PGAP4: variants seen among roughly 807,000 people sequenced by gnomAD.
PGAP4 encodes GPI-N-acetylgalactosamine transferase PGAP4.
PGAP4 carries 12 observed loss-of-function variants against 28.2 expected under a neutral mutation model. That is an observed-to-expected ratio of 0.42 (90% CI 0.27 to 0.69). The LOEUF is 0.69. Among genes scored for constraint, PGAP4 ranks in the 30% least tolerant of loss-of-function variants. The pLI is 0.22. For missense variants in PGAP4, 425 were observed against 513.5 expected, an observed-to-expected ratio of 0.83 and a Z score of 1.67; for synonymous variants, 205 against 211.8, an observed-to-expected ratio of 0.97 and a Z score of 0.28.
intron 2 of PGAP4, among the ~76,000 whole-genome samples, chr9:101,510,614 T>C (rs1826888807): frequency 6.6e-6 from 1 of 152,184 alleles, no homozygotes; most frequent in African/African-American, 2.4e-5. Context: ...CTCACAGTCT[T>C]AGTCTTCTGC....
chr9:101,532,280 A>G (rs985553069), intron 1 of PGAP4, among the ~76,000 whole-genome samples: 1 of 148,122 alleles, frequency 6.8e-6, no homozygotes, highest in Non-Finnish European at 1.5e-5. Flanking sequence ...GAAAAAAAGA[A>G]AAAAAAAAAA....
upstream of PGAP4, among the ~76,000 whole-genome samples, chr9:101,489,792 G>A (rs903493784): frequency 1.3e-5 from 2 of 152,172 alleles, no homozygotes; most frequent in Admixed American, 1.3e-4. Context: ...AAGATATCCA[G>A]TAAAGTCTTC....
At chr9:101,532,629 G>C (rs1021439542) in intron 1 of PGAP4, 1 of 152,194 alleles carries the variant, frequency 6.6e-6, no homozygotes, top group African/African-American at 2.4e-5. Context: ...GAGAGAATGA[G>C]TGTCATTGTC....
At chr9:101,507,610 G>A (rs1276257559) in intron 2 of PGAP4, among the ~76,000 whole-genome samples, 1 of 152,004 alleles carries the variant, frequency 6.6e-6, no homozygotes, top group Admixed American at 6.6e-5. Flanking sequence ...GGATAATAAG[G>A]GCATTACAAA....
At chr9:101,491,900 C>T (rs1002699647), upstream of PGAP4, among the ~76,000 whole-genome samples, 5 of 142,402 alleles carry the variant, frequency 3.5e-5, no homozygotes, top group Admixed American at 3.6e-4. Flanking sequence ...TATAGCCTGT[C>T]TTGGGGAATA....
chr9:101,479,183 G>A (rs553513033), intron 1 of PGAP4, among the ~76,000 whole-genome samples: 28 of 152,312 alleles, frequency 1.8e-4, no homozygotes, highest in African/African-American at 6.3e-4. Context: ...TCTGCTCAGC[G>A]CAATGGAGTT....
At chr9:101,508,491 C>G (rs1362478889) in intron 2 of PGAP4, among the ~76,000 whole-genome samples, 1 of 152,100 alleles carries the variant, frequency 6.6e-6, no homozygotes, top group Non-Finnish European at 1.5e-5. Context: ...CTATAAAAAG[C>G]CTCTATTGCT....
chr9:101,521,699 G>C (rs1416806714), intron 2 of PGAP4, among the ~76,000 whole-genome samples: 1 of 151,774 alleles, frequency 6.6e-6, no homozygotes, highest in African/African-American at 2.4e-5. Flanking sequence ...TTGTTTGTTT[G>C]TTTCAATTTC....
chr9:101,503,888 G>T (rs1210836807), intron 2 of PGAP4, among the ~76,000 whole-genome samples: 11 of 151,898 alleles, frequency 7.2e-5, no homozygotes, highest in Admixed American at 6.6e-5. Flanking sequence ...GGACTTTCAG[G>T]GTTGTTAAAT....
intron 2 of PGAP4, among the ~76,000 whole-genome samples, chr9:101,497,004 G>T (rs1826757684): frequency 6.6e-6 from 1 of 150,402 alleles, no homozygotes; most frequent in Non-Finnish European, 1.5e-5. Flanking sequence ...ATTTTTAACT[G>T]TTAGTAACCT....
Position 101,476,910 on chromosome 9 carries a change from C to A in PGAP4, c.183G>T (p.Met61Ile). The A allele has an allele frequency of 6.2e-7, 1 of 1,614,022 alleles. No individual in the cohort carries two copies. The highest frequency in any genetic ancestry group is 8.5e-7 in the Non-Finnish European group (1 of 1,179,956). Residue 61 changes from methionine (M) to isoleucine (I), a missense_variant, in exon 2 of 2, where the codon ATG (methionine) becomes ATT (isoleucine). Coordinates refer to ENST00000374848, the MANE Select transcript of PGAP4 (RefSeq NM_032342.3). This position sits in a 1 kb window ranked among gnomAD's most constrained non-coding sequence, Gnocchi z 7.0. ...FYLRHWHLNQ[M>I]SQEFLQQSLK... Reference sequence around the variant, plus strand: ...AGCTTTGCTGCAGGAACTCTTGGCTCATTTGGTTCAGATGCCAATGGCGCA... The same window carrying A: ...AGCTTTGCTGCAGGAACTCTTGGCTAATTTGGTTCAGATGCCAATGGCGCA...
chr9:101,495,751 A>G (rs1431072660), intron 2 of PGAP4, among the ~76,000 whole-genome samples: 1 of 151,012 alleles, frequency 6.6e-6, no homozygotes, highest in South Asian at 2.1e-4. Flanking sequence ...AAAGTAATCC[A>G]AAACCTAGTA....
At chr9:101,501,777 A>G (rs1401924518) in intron 2 of PGAP4, 2 of 517,946 alleles carry the variant, frequency 3.9e-6, no homozygotes, top group East Asian at 1.1e-4. Context: ...TCTGGATTGA[A>G]CAATGCCAGA....
intron 2 of PGAP4, among the ~76,000 whole-genome samples, chr9:101,508,587 G>A (rs1826869176): frequency 6.6e-6 from 1 of 152,116 alleles, no homozygotes; most frequent in Admixed American, 6.6e-5. Flanking sequence ...CAGCTAAAAA[G>A]AAAAACTATA....
intron 2 of PGAP4, among the ~76,000 whole-genome samples, chr9:101,508,782 C>T (rs921433935): frequency 3.9e-5 from 6 of 152,202 alleles, no homozygotes; most frequent in South Asian, 2.1e-4. Context: ...GCAGAATCTA[C>T]GGGAGCCCTG....
chr9:101,491,843 A>G (rs1048415049), upstream of PGAP4, among the ~76,000 whole-genome samples: 8 of 141,500 alleles, frequency 5.7e-5, no homozygotes, highest in African/African-American at 1.6e-4. Context: ...ATATATATAT[A>G]TATATTCTTT....
At chr9:101,489,437 A>G (rs1168099360), upstream of PGAP4, among the ~76,000 whole-genome samples, 1 of 152,210 alleles carries the variant, frequency 6.6e-6, no homozygotes, top group Non-Finnish European at 1.5e-5. Context: ...AGTGCAGTGC[A>G]TACCCTAGGG....
intron 1 of PGAP4, among the ~76,000 whole-genome samples, chr9:101,485,381 T>TA (rs1826588903): frequency 6.6e-6 from 1 of 152,036 alleles, no homozygotes; most frequent in Non-Finnish European, 1.5e-5. Context: ...ACCATCAAAA[T>TA]AAAAAATTGA....
In PGAP4 at chr9:101,523,619, CTTTTT is replaced by C. The variant is rs71356369; in HGVS notation, c.-165+7724_-165+7728del. 3.2e-3 allele frequency among the ~76,000 whole-genome samples: 188 copies of C among 59,308 alleles called. 3 individuals carry two copies. Among genetic ancestry groups the C allele is most frequent in the African/African-American group, 0.012 (163 of 14,088 alleles). The allele number at this position is 59,308 out of a possible 152,430, so 38.9% of individuals were successfully genotyped here. On this transcript the variant is annotated intron_variant, in intron 2 of 3. Transcript: ENST00000374851. Reference sequence around the variant, plus strand: ...ACATTTCTCCCCTCACTTCTTGTATCTTTTTTTTTTTTTTTTTTTTTTTTTTTTTT... The same window carrying C: ...ACATTTCTCCCCTCACTTCTTGTATCTTTTTTTTTTTTTTTTTTTTTTTTT...
Sources: gnomAD v4.1 joint callset for allele counts (sites outside exome capture counted in the v4.1 genomes callset) on GRCh38, gnomAD v4.1.1 for gene constraint, Gnocchi (gnomAD v3.1) non-coding constraint, MANE v1.5 for transcripts, NCBI Gene and HGNC (gene_info 2026-07-23, HGNC 2026-07-21) for gene names.